MGST1: variants seen among roughly 807,000 people sequenced by gnomAD.
The protein encoded by MGST1 is microsomal glutathione S-transferase 1, also known as glutathione S-transferase 12.
MGST1 carries 5 observed loss-of-function variants against 8.9 expected under a neutral mutation model. The observed-to-expected ratio is 0.56, with a 90% CI of 0.29 to 1.19. The LOEUF is 1.19. Among genes scored for constraint, MGST1 ranks in the 50% most tolerant of loss-of-function variants. The pLI, the probability that MGST1 is intolerant of heterozygous loss-of-function variation, is 0.08. For synonymous variants in MGST1, 54 were observed against 67.8 expected, an observed-to-expected ratio of 0.80 and a Z score of 1.00; for missense variants, 182 against 187.4, an observed-to-expected ratio of 0.97 and a Z score of 0.17.
At chr12:16,506,243 A>T (rs1941537254) in intron 4 of MGST1, among the ~76,000 whole-genome samples, 1 of 152,172 alleles carries the variant, frequency 6.6e-6, no homozygotes, top group Non-Finnish European at 1.5e-5. Flanking sequence ...ACCCGATTCC[A>T]ACAGTGACAT....
At chr12:16,395,191 G>T (rs1940594249) in intron 1 of MGST1, among the ~76,000 whole-genome samples, 2 of 151,654 alleles carry the variant, frequency 1.3e-5, no homozygotes, top group South Asian at 4.2e-4. Flanking sequence ...GCTGGGGAAG[G>T]ATTTTTTATA....
upstream of MGST1, chr12:16,347,282 T>TTGTC (rs1939245652): frequency 1.3e-5 from 2 of 152,186 alleles, no homozygotes; most frequent in African/African-American, 2.4e-5. This position sits in a 1 kb window ranked among gnomAD's most constrained non-coding sequence, Gnocchi z 4.0. Context: ...GGGAAGGTAA[T>TTGTC]ATTGTCAATG....
chr12:16,461,825 AATCGTCTTTATCATGTATT>A (rs954850403), intron 4 of MGST1, among the ~76,000 whole-genome samples: 31 of 152,304 alleles, frequency 2.0e-4, no homozygotes, highest in South Asian at 8.3e-4. Flanking sequence ...AAGACACCAT[AATCGTCTTTATCATGTATT>A]ATCGTCTTTA....
At chr12:16,452,496 A>T (rs1319354557) in intron 4 of MGST1, among the ~76,000 whole-genome samples, 1 of 151,832 alleles carries the variant, frequency 6.6e-6, no homozygotes, top group Non-Finnish European at 1.5e-5. Context: ...AAAGCTCGCA[A>T]TATTATTACT....
At chr12:16,432,982 G>A (rs1365199516) in intron 1 of MGST1, among the ~76,000 whole-genome samples, 1 of 151,844 alleles carries the variant, frequency 6.6e-6, no homozygotes, top group Non-Finnish European at 1.5e-5. Context: ...TTCTCTAGAG[G>A]GACAGAATTA....
downstream of MGST1, among the ~76,000 whole-genome samples, chr12:16,440,507 C>T (rs1296092626): frequency 1.3e-5 from 2 of 151,798 alleles, no homozygotes; most frequent in South Asian, 2.1e-4. Flanking sequence ...AGTCAGATAG[C>T]ATTTACTGTT....
rs553273151 is a variant in MGST1 at position 16,552,680 on chromosome 12, C to G, written n.483-36848C>G. On this transcript the variant is annotated intron_variant and non_coding_transcript_variant, in intron 4 of 4. Coordinates refer to the MGST1 transcript ENST00000538857. Reference sequence around the variant, plus strand: ...AATTTACTTTTTTTCCCCAGGATTACTGCCTGCTGATGATGTTGATTGAAA... The same window carrying G: ...AATTTACTTTTTTTCCCCAGGATTAGTGCCTGCTGATGATGTTGATTGAAA... 5.9e-5 allele frequency among the ~76,000 whole-genome samples: 9 copies of G among 152,200 alleles called. No homozygotes were observed. The South Asian group carries it at 1.9e-3, about 32-fold the overall frequency.
rs1489513151 is a variant in MGST1, at chr12:16,482,947, A to T, written n.482+99343A>T. On this transcript the variant is annotated intron_variant and non_coding_transcript_variant, in intron 4 of 4. Transcript: ENST00000538857. The surrounding 1 kb of genome is among the most constrained non-coding windows in gnomAD (Gnocchi z 4.2). The stretch of plus-strand genomic sequence containing the variant: ...GGCTCAAATAATTCATGAGTCCTCC[A>T]AGTAAGACTAATGTAGGCAAGAATG... Among the ~76,000 whole-genome samples the T allele has an allele frequency of 6.6e-6, 1 of 152,204 alleles. No homozygotes were observed. The highest frequency in any genetic ancestry group is 1.5e-5 in the Non-Finnish European group (1 of 68,022).
At chr12:16,508,701 C>T (rs182197074) in intron 4 of MGST1, among the ~76,000 whole-genome samples, 3 of 152,296 alleles carry the variant, frequency 2.0e-5, no homozygotes, top group Non-Finnish European at 4.4e-5. Flanking sequence ...CAAAGATGGA[C>T]ACAGTCTCAC....
At chr12:16,545,684 C>A (rs1415803227) in intron 4 of MGST1, among the ~76,000 whole-genome samples, 1 of 151,994 alleles carries the variant, frequency 6.6e-6, no homozygotes. Context: ...ATGAAGAATC[C>A]TCTATTCTTG....
At chr12:16,423,367 G>A (rs1940854518) in intron 1 of MGST1, among the ~76,000 whole-genome samples, 1 of 152,090 alleles carries the variant, frequency 6.6e-6, no homozygotes, top group Admixed American at 6.6e-5. Context: ...GTCACAGCAA[G>A]TATTTGATTT....
chr12:16,495,447 C>A (rs1941463642), intron 4 of MGST1, among the ~76,000 whole-genome samples: 1 of 151,922 alleles, frequency 6.6e-6, no homozygotes, highest in South Asian at 2.1e-4. Context: ...AGCACATGTA[C>A]CCTCTGCATC....
At chr12:16,397,739 G>A (rs1940617585) in intron 1 of MGST1, among the ~76,000 whole-genome samples, 1 of 149,156 alleles carries the variant, frequency 6.7e-6, no homozygotes, top group Non-Finnish European at 1.5e-5. Context: ...TATATATTTG[G>A]GCATTTTCCT....
rs770193482 is a variant in MGST1, at chr12:16,503,276, C to T, written n.483-86252C>T. On this transcript the variant is annotated intron_variant and non_coding_transcript_variant, in intron 4 of 4. Transcript: ENST00000538857. The surrounding 1 kb of genome is among the most constrained non-coding windows in gnomAD (Gnocchi z 4.8). ...TCAAGGGAAGGAAAATAAGACAGAA[C>T]GGGTGGTCAAATAGCATTTTTTTCT... 5.3e-5 allele frequency among the ~76,000 whole-genome samples: 8 copies of T among 150,678 alleles called. No individual in the cohort carries two copies. Among genetic ancestry groups the T allele is most frequent in the South Asian group, 2.1e-4 (1 of 4,734 alleles).
At chr12:16,558,868 T>G (rs945699504) in intron 4 of MGST1, among the ~76,000 whole-genome samples, 7 of 152,202 alleles carry the variant, frequency 4.6e-5, no homozygotes, top group Non-Finnish European at 8.8e-5. Flanking sequence ...AAATTAATTA[T>G]TTCATTTAAG....
Position 16,584,696 on chromosome 12 carries a change from G to A in MGST1, n.483-4832G>A, listed in dbSNP as rs1283012459. 6.6e-6 allele frequency among the ~76,000 whole-genome samples: 1 copy of A among 152,146 alleles called. No homozygotes were observed. The highest frequency in any genetic ancestry group is 1.5e-5 in the Non-Finnish European group (1 of 68,028). ...TAAGTCCAAACATATTGCAATGGCT[G>A]CCATGAAGTTCAAGAAACAGCAAGA... is the stretch of plus-strand genomic sequence containing the variant. On this transcript the variant is annotated intron_variant and non_coding_transcript_variant, in intron 4 of 4. Transcript: ENST00000538857. This position sits in a 1 kb window ranked among gnomAD's most constrained non-coding sequence, Gnocchi z 5.2.
chr12:16,521,862 A>T (rs1409004923), intron 4 of MGST1, among the ~76,000 whole-genome samples: 2 of 152,088 alleles, frequency 1.3e-5, no homozygotes, highest in African/African-American at 4.8e-5. Context: ...AAATTCCCTA[A>T]CAAGGTGAGT....
At position 16,560,096 on chromosome 12, in the gene MGST1, A is replaced by G; in HGVS notation, n.483-29432A>G. 6.6e-6 allele frequency among the ~76,000 whole-genome samples: 1 copy of G among 152,228 alleles called. No individual in the cohort carries two copies. Among genetic ancestry groups the G allele is most frequent in the East Asian group, 1.9e-4 (1 of 5,208 alleles). On this transcript the variant is annotated intron_variant and non_coding_transcript_variant, in intron 4 of 4. Coordinates refer to the MGST1 transcript ENST00000538857. This position sits in a 1 kb window ranked among gnomAD's most constrained non-coding sequence, Gnocchi z 5.0. ...TTTACTCACATAAGTAGTATAAAAA[A>G]GTAGATATTTAAAACTACTTTTAAA...
At chr12:16,588,931 C>G (rs1943406292) in intron 4 of MGST1, among the ~76,000 whole-genome samples, 1 of 150,646 alleles carries the variant, frequency 6.6e-6, no homozygotes, top group African/African-American at 2.4e-5. Context: ...CCAATGTGTA[C>G]CGCTCTTTCC....
Sources: allele counts gnomAD v4.1 joint callset (sites outside exome capture counted in the v4.1 genomes callset), GRCh38; gene constraint gnomAD v4.1.1; non-coding constraint Gnocchi (gnomAD v3.1); transcripts MANE v1.5; gene names NCBI Gene and HGNC (gene_info 2026-07-23, HGNC 2026-07-21).